MACROD2: variants seen among roughly 807,000 people sequenced by gnomAD.
MACROD2 encodes mono-ADP ribosylhydrolase 2.
In MACROD2, 36 loss-of-function variants were observed where a neutral mutation model predicts 70.4. The ratio of observed to expected loss-of-function variants is 0.51; its 90% CI spans 0.39 to 0.68. The LOEUF (loss-of-function observed/expected upper bound fraction) is 0.68, where lower values mean the gene tolerates loss of function less well. Ranked by LOEUF, MACROD2 falls within the 30% of genes least tolerant of loss-of-function variation. MACROD2 has a pLI of 0.00. For missense variants in MACROD2, 496 were observed against 538.4 expected, an observed-to-expected ratio of 0.92 and a Z score of 0.78; for synonymous variants, 172 against 178.8, an observed-to-expected ratio of 0.96 and a Z score of 0.30.
At chr20:14,427,568 G>T (rs2083947970) in intron 3 of MACROD2, among the ~76,000 whole-genome samples, 1 of 151,468 alleles carries the variant, frequency 6.6e-6, no homozygotes, top group Non-Finnish European at 1.5e-5. Flanking sequence ...TTATATATGT[G>T]CATGTATCTG....
At chr20:15,100,321 TTA>T (rs919400842) in intron 5 of MACROD2, among the ~76,000 whole-genome samples, 4 of 140,010 alleles carry the variant, frequency 2.9e-5, no homozygotes, top group Non-Finnish European at 4.7e-5. Flanking sequence ...TATTTTTGAC[TTA>T]TGATGAATTT....
At chr20:15,544,548 A>T (rs2048001884) in intron 8 of MACROD2, among the ~76,000 whole-genome samples, 2 of 152,136 alleles carry the variant, frequency 1.3e-5, no homozygotes, top group Admixed American at 6.5e-5. Flanking sequence ...CTGCGAGGAG[A>T]GTCAGACTTG....
At chr20:15,484,077 A>ATTTTATTTTG (rs146978121) in intron 7 of MACROD2, among the ~76,000 whole-genome samples, 7,065 of 149,896 alleles carry the variant, frequency 0.047, 267 homozygotes, top group Non-Finnish European at 0.068. Flanking sequence ...ATTTTATTTT[A>ATTTTATTTTG]TTTTATTTTT....
chr20:16,022,387 T>G (rs2067015819), intron 15 of MACROD2, among the ~76,000 whole-genome samples: 1 of 152,166 alleles, frequency 6.6e-6, no homozygotes, highest in Admixed American at 6.6e-5. Context: ...AGCTTTTATG[T>G]AATTAATAAA....
chr20:15,289,707 G>A (rs2077524483), intron 6 of MACROD2, among the ~76,000 whole-genome samples: 1 of 152,160 alleles, frequency 6.6e-6, no homozygotes, highest in African/African-American at 2.4e-5. Flanking sequence ...TATATCAAAT[G>A]TGTACACTAA....
intron 8 of MACROD2, among the ~76,000 whole-genome samples, chr20:15,862,111 A>G (rs1483690208): frequency 2.0e-5 from 3 of 152,206 alleles, no homozygotes; most frequent in Admixed American, 2.0e-4. Context: ...CTATGCACAC[A>G]TTTTACTTTT....
chr20:15,700,516 C>T (rs1482335687), intron 8 of MACROD2, among the ~76,000 whole-genome samples: 1 of 152,146 alleles, frequency 6.6e-6, no homozygotes, highest in African/African-American at 2.4e-5. Flanking sequence ...TATTTTTCCC[C>T]CTGAATGTTT....
chr20:14,208,078 T>A (rs951005233), intron 3 of MACROD2, among the ~76,000 whole-genome samples: 20 of 152,214 alleles, frequency 1.3e-4, no homozygotes, highest in African/African-American at 4.8e-4. Context: ...CTAGAGGAAT[T>A]CTGAACACTT....
intron 4 of MACROD2, chr20:14,554,420 C>T (rs1978885314): frequency 6.6e-6 from 1 of 152,118 alleles, no homozygotes; most frequent in Admixed American, 6.6e-5. Flanking sequence ...GCTGTGCAAC[C>T]CATCTGTGGT....
chr20:15,796,398 T>G lies in MACROD2; in HGVS notation c.646-66347T>G, dbSNP rs146812983. Reference sequence around the variant, plus strand: ...ACCACACACACACAAATTTTAGAAGTCTTTTCCTCTTGATGTACACATTTG... The same window carrying G: ...ACCACACACACACAAATTTTAGAAGGCTTTTCCTCTTGATGTACACATTTG... On this transcript the variant is annotated intron_variant, in intron 8 of 17. Coordinates refer to ENST00000684519, the MANE Select transcript of MACROD2 (RefSeq NM_001351661.2). 2.2e-3 allele frequency among the ~76,000 whole-genome samples: 341 copies of G among 152,390 alleles called. 3 individuals are homozygous for G. Among genetic ancestry groups the G allele is most frequent in the African/African-American group, 7.6e-3 (316 of 41,604 alleles).
At chr20:14,062,688 G>C (rs1051321255) in intron 2 of MACROD2, among the ~76,000 whole-genome samples, 1 of 151,908 alleles carries the variant, frequency 6.6e-6, no homozygotes, top group East Asian at 1.9e-4. Context: ...TGAATGTCAC[G>C]GGGAGAAAAA....
chr20:15,168,239 G>A (rs1381060469), intron 5 of MACROD2, among the ~76,000 whole-genome samples: 1 of 152,126 alleles, frequency 6.6e-6, no homozygotes, highest in Non-Finnish European at 1.5e-5. Context: ...GGGCAGTTCT[G>A]ACCTTGGAGA....
chr20:15,407,104 C>A (rs572420524), intron 6 of MACROD2, among the ~76,000 whole-genome samples: 1 of 152,224 alleles, frequency 6.6e-6, no homozygotes, highest in Non-Finnish European at 1.5e-5. Context: ...CACCTGCTAT[C>A]GGTACCTTCC....
intron 5 of MACROD2, among the ~76,000 whole-genome samples, chr20:14,767,490 T>A (rs1447045404): frequency 6.6e-6 from 1 of 151,974 alleles, no homozygotes; most frequent in African/African-American, 2.4e-5. Context: ...TCAGTTTGCC[T>A]GAAGACAATA....
intron 8 of MACROD2, among the ~76,000 whole-genome samples, chr20:15,559,252 A>AAT (rs1407572652): frequency 2.5e-4 from 37 of 147,642 alleles, no homozygotes; most frequent in Non-Finnish European, 4.5e-4. Flanking sequence ...AAAAAAAAAA[A>AAT]GATTCTCAGG....
chr20:14,862,698 T>TAA (rs1568841712), intron 5 of MACROD2, among the ~76,000 whole-genome samples: 1 of 77,504 alleles, frequency 1.3e-5, no homozygotes, highest in South Asian at 3.3e-4. Flanking sequence ...TAAATATATA[T>TAA]AAATATATAT....
intron 3 of MACROD2, among the ~76,000 whole-genome samples, chr20:14,252,010 A>G (rs1347010582): frequency 6.6e-6 from 1 of 152,098 alleles, no homozygotes; most frequent in Non-Finnish European, 1.5e-5. Flanking sequence ...ATATCTGTAA[A>G]TAAAAGTGTA....
chr20:14,876,529 G>T (rs2073553257), intron 5 of MACROD2, among the ~76,000 whole-genome samples: 1 of 152,096 alleles, frequency 6.6e-6, no homozygotes, highest in African/African-American at 2.4e-5. Flanking sequence ...ACTTAGTCAT[G>T]AATTCTTTGC....
At chr20:14,231,047 C>A (rs1367352389) in intron 3 of MACROD2, among the ~76,000 whole-genome samples, 1 of 151,150 alleles carries the variant, frequency 6.6e-6, no homozygotes, top group African/African-American at 2.4e-5. Context: ...ATTCAGTAGA[C>A]CATGTTGTAA....
Sources: gnomAD v4.1 joint callset for allele counts (sites outside exome capture counted in the v4.1 genomes callset) on GRCh38, gnomAD v4.1.1 for gene constraint, MANE v1.5 for transcripts, NCBI Gene and HGNC (gene_info 2026-07-23, HGNC 2026-07-21) for gene names.